Variants in CHMP3 observed in about 807,000 individuals in gnomAD.
CHMP3 encodes 25.1 protein.
A neutral mutation model predicts 27.4 loss-of-function variants in CHMP3; 8 were observed. That is an observed-to-expected ratio of 0.29 (90% CI 0.17 to 0.53). The LOEUF (loss-of-function observed/expected upper bound fraction) is 0.53, where lower values mean the gene tolerates loss of function less well. Among genes scored for constraint, CHMP3 ranks in the 20% least tolerant of loss-of-function variants. CHMP3 has a pLI of 0.96. For synonymous variants in CHMP3, 86 were observed against 85.5 expected, an observed-to-expected ratio of 1.01 and a Z score of -0.03; for missense variants, 208 against 271.5, an observed-to-expected ratio of 0.77 and a Z score of 1.64.
At chr2:86,540,926 T>C (rs1269732114) in intron 2 of CHMP3, 3 of 151,994 alleles carry the variant, frequency 2.0e-5, no homozygotes, top group Non-Finnish European at 2.9e-5. Context: ...TTCATAATAG[T>C]ATCTTATTGG....
In CHMP3 at chr2:86,563,352, G is replaced by T. The variant is rs767527182; in HGVS notation, c.-4C>A. ...GGGTCTTTCCAAACAGCCCCATGAC[G>T]AACTGAACCCGTCTTGCCCCTTCCG... On this transcript the variant is annotated 5_prime_UTR_variant, in exon 1 of 6. Coordinates refer to ENST00000263856, the MANE Select transcript of CHMP3 (RefSeq NM_016079.4). 10 of 1,613,926 alleles carry T rather than the reference G, an allele frequency of 6.2e-6. No homozygotes were observed. The highest frequency in any genetic ancestry group is 3.3e-5 in the Admixed American group (2 of 60,000).
intron 1 of CHMP3, among the ~76,000 whole-genome samples, chr2:86,545,884 C>T (rs553337830): frequency 2.0e-5 from 3 of 149,738 alleles, no homozygotes; most frequent in East Asian, 4.0e-4. Flanking sequence ...CCAGACAGGG[C>T]GGCCGGGCAG....
intron 2 of CHMP3, among the ~76,000 whole-genome samples, chr2:86,530,005 A>G (rs1283040267): frequency 6.7e-6 from 1 of 149,398 alleles, no homozygotes; most frequent in Non-Finnish European, 1.5e-5. Context: ...TTTTTTTTTT[A>G]TTTTTTGAGA....
intron 1 of CHMP3, among the ~76,000 whole-genome samples, chr2:86,546,324 C>T (rs1419084912): frequency 1.7e-5 from 2 of 117,168 alleles, no homozygotes; most frequent in Non-Finnish European, 3.2e-5. Context: ...GAGATCACGG[C>T]AGTACAGTCC....
intron 1 of CHMP3, among the ~76,000 whole-genome samples, chr2:86,560,612 C>A (rs1677312909): frequency 6.6e-6 from 1 of 151,578 alleles, no homozygotes; most frequent in Admixed American, 6.6e-5. Context: ...ATGTAGGTGA[C>A]CAGTTGATGG....
intron 1 of CHMP3, among the ~76,000 whole-genome samples, chr2:86,542,608 G>A (rs1676410417): frequency 6.6e-6 from 1 of 152,172 alleles, no homozygotes; most frequent in African/African-American, 2.4e-5. Flanking sequence ...AAGATTTGAA[G>A]AGGTCCAAGT....
At chr2:86,537,921 C>A (rs976118789) in intron 2 of CHMP3, among the ~76,000 whole-genome samples, 1 of 152,104 alleles carries the variant, frequency 6.6e-6, no homozygotes, top group African/African-American at 2.4e-5. Flanking sequence ...TGTTTATGTA[C>A]GCAAAAGTAC....
chr2:86,525,836 A>AT (rs1675684979), intron 3 of CHMP3, among the ~76,000 whole-genome samples: 1 of 152,178 alleles, frequency 6.6e-6, no homozygotes, highest in Admixed American at 6.5e-5. Context: ...GAAAATCAAG[A>AT]TTTTTTTATA....
intron 1 of CHMP3, among the ~76,000 whole-genome samples, chr2:86,544,399 T>C (rs1378681339): frequency 6.6e-6 from 1 of 151,518 alleles, no homozygotes; most frequent in Non-Finnish European, 1.5e-5. Flanking sequence ...AAGAGGGGGA[T>C]GTGGCAGGGT....
At chr2:86,539,990 GGTT>G (rs1676299635) in intron 2 of CHMP3, among the ~76,000 whole-genome samples, 1 of 151,920 alleles carries the variant, frequency 6.6e-6, no homozygotes, top group African/African-American at 2.4e-5. Context: ...GATAACATAG[GGTT>G]GTTTTGTGGG....
In CHMP3 at chr2:86,505,608, A is replaced by C. The variant is rs1266557425; in HGVS notation, c.*196T>G. 1 of 641,112 alleles carries C rather than the reference A, an allele frequency of 1.6e-6. No homozygotes were observed. The highest frequency in any genetic ancestry group is 2.3e-6 in the Non-Finnish European group (1 of 429,434). 39.7% of individuals were successfully genotyped at this position (641,112 alleles called of 1,614,324 possible). A position where few individuals can be genotyped will look rare whatever the true frequency, so the allele number is the denominator to read the frequency against. ...ATAAGATATATCTGTCTATACTCCT[A>C]AAAATGATGCATTTATTTATGCCAC... is the stretch of plus-strand genomic sequence containing the variant. On this transcript the variant is annotated 3_prime_UTR_variant, in exon 6 of 6. Transcript: ENST00000263856.
At chr2:86,550,933 C>T (rs1335305882) in intron 1 of CHMP3, among the ~76,000 whole-genome samples, 1 of 152,162 alleles carries the variant, frequency 6.6e-6, no homozygotes, top group Non-Finnish European at 1.5e-5. Flanking sequence ...AAATCAAGTA[C>T]TTCAGCATCC....
At position 86,510,921 on chromosome 2, in the gene CHMP3, T is replaced by C. The variant is rs138081291; in HGVS notation, c.287-442A>G. Reference sequence around the variant, plus strand: ...TGTTCAGTATGGAGCCAGCTTATCATTGGTCCTCAGAAAAATGAGAGAAAC... The same window carrying C: ...TGTTCAGTATGGAGCCAGCTTATCACTGGTCCTCAGAAAAATGAGAGAAAC... On this transcript the variant is annotated intron_variant, in intron 3 of 5. Transcript: ENST00000263856. 538 of 156,870 alleles carry C rather than the reference T, an allele frequency of 3.4e-3. 6 individuals are homozygous for C. The highest frequency in any genetic ancestry group is 0.012 in the African/African-American group (514 of 41,612). The allele number at this position is 156,870 out of a possible 1,614,324, so 9.7% of individuals were successfully genotyped here. A position where few individuals can be genotyped will look rare whatever the true frequency, so the allele number is the denominator to read the frequency against.
At chr2:86,552,937 T>C (rs903397034) in intron 1 of CHMP3, among the ~76,000 whole-genome samples, 2 of 149,744 alleles carry the variant, frequency 1.3e-5, no homozygotes, top group Admixed American at 1.4e-4. Context: ...TTCTCGCTTA[T>C]AAGTGGGAGT....
At chr2:86,554,214 GA>G (rs1677025269) in intron 1 of CHMP3, among the ~76,000 whole-genome samples, 1 of 152,138 alleles carries the variant, frequency 6.6e-6, no homozygotes, top group African/African-American at 2.4e-5. Context: ...CATAACTGTA[GA>G]AAATAAATTT....
At chr2:86,556,373 A>T (rs988391478) in intron 1 of CHMP3, among the ~76,000 whole-genome samples, 11 of 152,224 alleles carry the variant, frequency 7.2e-5, no homozygotes, top group Non-Finnish European at 4.4e-5. Context: ...TGTCACTGTC[A>T]GCTGAGTATA....
intron 2 of CHMP3, among the ~76,000 whole-genome samples, chr2:86,534,560 A>G (rs932244396): frequency 6.6e-6 from 1 of 152,134 alleles, no homozygotes; most frequent in Admixed American, 6.5e-5. Flanking sequence ...CATTGTTGAC[A>G]GTGCAGTATT....
chr2:86,548,489 G>A (rs914999103), intron 1 of CHMP3, among the ~76,000 whole-genome samples: 1 of 152,306 alleles, frequency 6.6e-6, no homozygotes, highest in Non-Finnish European at 1.5e-5. Context: ...ATGTTTCAGA[G>A]AGCACGGGGT....
chr2:86,554,497 A>C (rs1358491490), intron 1 of CHMP3, among the ~76,000 whole-genome samples: 1 of 152,230 alleles, frequency 6.6e-6, no homozygotes, highest in Admixed American at 6.5e-5. Context: ...AAAAAGCCTG[A>C]TATTCATTTC....
Sources: allele counts gnomAD v4.1 joint callset (sites outside exome capture counted in the v4.1 genomes callset), GRCh38; gene constraint gnomAD v4.1.1; transcripts MANE v1.5; gene names NCBI Gene and HGNC (gene_info 2026-07-23, HGNC 2026-07-21).